DNAJA4: variants seen among roughly 807,000 people sequenced by gnomAD.
The protein encoded by DNAJA4 is DnaJ heat shock protein family (Hsp40) member A4.
Under a neutral mutation model 39.7 loss-of-function variants are expected in DNAJA4, and 32 were observed. The ratio of observed to expected loss-of-function variants is 0.81; its 90% CI spans 0.61 to 1.08. The LOEUF (loss-of-function observed/expected upper bound fraction) is 1.08. DNAJA4 is among the 50% of genes least tolerant of loss of function. The pLI is 0.00. For missense variants in DNAJA4, 439 were observed against 505.1 expected, an observed-to-expected ratio of 0.87 and a Z score of 1.25; for synonymous variants, 184 against 182.4, an observed-to-expected ratio of 1.01 and a Z score of -0.07.
rs2049064272 is a variant in DNAJA4, at chr15:78,264,621, T to C, written c.-143T>C. The stretch of plus-strand genomic sequence containing the variant: ...CGCGGGGCGGGGGGCGGGCGGGAGC[T>C]ACAAGCGGCGGCGGCGGCGGCGACC... On this transcript the variant is annotated 5_prime_UTR_variant, in exon 1 of 7. Transcript: ENST00000394852. 1.0e-6 allele frequency: 1 copy of C among 994,334 alleles called. No homozygotes were observed. Among genetic ancestry groups the C allele is most frequent in the Non-Finnish European group, 1.2e-6 (1 of 823,148 alleles). 61.6% of individuals were successfully genotyped at this position (994,334 alleles called of 1,614,324 possible).
chr15:78,275,338 A>T, intron 4 of DNAJA4, 160 bp from the exon 5 acceptor site: 1 of 615,350 alleles, frequency 1.6e-6, no homozygotes, highest in East Asian at 2.7e-5. Flanking sequence ...CTCTTCTGTC[A>T]TTGGCCATCC....
intron 5 of DNAJA4, chr15:78,278,177 G>C (rs767847326): frequency 4.4e-6 from 2 of 456,042 alleles, no homozygotes; most frequent in South Asian, 3.1e-5. Context: ...TACCTGCCGG[G>C]AGAGCCTAAC....
At position 78,274,503 on chromosome 15, in the gene DNAJA4, T is replaced by C. The variant is rs773389887; in HGVS notation, c.646+79T>C. 4.6e-6 allele frequency: 6 copies of C among 1,291,460 alleles called. No individual in the cohort carries two copies. The African/African-American group carries it at 5.8e-5, about 13-fold the overall frequency. The allele number at this position is 1,291,460 out of a possible 1,614,324, so 80.0% of individuals were successfully genotyped here. A position where few individuals can be genotyped will look rare whatever the true frequency, so the allele number is the denominator to read the frequency against. On this transcript the variant is annotated intron_variant, in intron 4 of 6. Transcript: ENST00000394852. ...CTAATCGTGAGATACACAGACTAGA[T>C]GTCAGGGAAGTGAGCTGTATCACAA...
At chr15:78,264,431 C>A (rs2049056783), upstream of DNAJA4, 1 of 1,340,660 alleles carries the variant, frequency 7.5e-7, no homozygotes, top group Non-Finnish European at 9.5e-7. Flanking sequence ...CGTCGGGGGT[C>A]TGGGCCGCGA....
intron 5 of DNAJA4, among the ~76,000 whole-genome samples, 160 bp downstream of exon 5, chr15:78,275,888 G>A (rs965032777): frequency 2.0e-5 from 3 of 152,206 alleles, no homozygotes; most frequent in Non-Finnish European, 4.4e-5. Context: ...ATCAAGCCAC[G>A]TGTTTAGGGC....
intron 1 of DNAJA4, chr15:78,270,043 G>C (rs1387015068): frequency 6.5e-6 from 1 of 153,708 alleles, no homozygotes; most frequent in Non-Finnish European, 1.4e-5. Flanking sequence ...CTGGCACGTG[G>C]TTAGATGCTC....
At chr15:78,266,289 CAA>C in intron 1 of DNAJA4, 1 of 1,613,744 alleles carries the variant, frequency 6.2e-7, no homozygotes. Flanking sequence ...TCAGCACTCA[CAA>C]GAGTAAGTTC....
intron 5 of DNAJA4, among the ~76,000 whole-genome samples, chr15:78,276,246 C>A (rs1378278047): frequency 1.3e-5 from 2 of 152,180 alleles, no homozygotes; most frequent in Non-Finnish European, 2.9e-5. Context: ...GTTCCTGTAG[C>A]CTCTGTTGTT....
chr15:78,270,795 T>C (rs977605296), intron 2 of DNAJA4, 118 bp downstream of exon 2: 9 of 1,155,546 alleles, frequency 7.8e-6, no homozygotes, highest in South Asian at 1.9e-5. Flanking sequence ...CGGTGGTTCA[T>C]GTCTGTAATT....
intron 5 of DNAJA4, among the ~76,000 whole-genome samples, chr15:78,278,659 CT>C (rs201451635): frequency 6.7e-5 from 10 of 149,000 alleles, no homozygotes; most frequent in Admixed American, 1.3e-4. Context: ...GACTGTATTT[CT>C]TTTTTTTTTG....
At chr15:78,274,725 T>G in intron 4 of DNAJA4, 1 of 416,444 alleles carries the variant, frequency 2.4e-6, no homozygotes, top group Middle Eastern at 7.5e-4. Flanking sequence ...AGTTGCCATC[T>G]CCTGACATTC....
At chr15:78,266,289 C>A (rs900251452) in intron 1 of DNAJA4, 2 of 1,613,744 alleles carry the variant, frequency 1.2e-6, no homozygotes, top group Non-Finnish European at 1.7e-6. Flanking sequence ...TCAGCACTCA[C>A]AAGAGTAAGT....
chr15:78,267,644 A>C (rs1479483336), intron 1 of DNAJA4, among the ~76,000 whole-genome samples: 1 of 152,122 alleles, frequency 6.6e-6, no homozygotes, highest in African/African-American at 2.4e-5. Flanking sequence ...TAGACTTTCA[A>C]GTTCAAAAAT....
At chr15:78,277,717 C>T (rs908436924) in intron 5 of DNAJA4, 1 of 316,956 alleles carries the variant, frequency 3.2e-6, no homozygotes, top group Non-Finnish European at 6.1e-6. Flanking sequence ...TGGGCCCCAC[C>T]AAGAGCCAGC....
intron 4 of DNAJA4, 151 bp downstream of exon 4, chr15:78,274,575 T>G: frequency 1.4e-6 from 1 of 708,352 alleles, no homozygotes; most frequent in Non-Finnish European, 2.4e-6. Flanking sequence ...CAGTCTTCTC[T>G]TCACCCTTCC....
intron 5 of DNAJA4, chr15:78,278,274 A>G (rs1323249785): frequency 2.2e-6 from 1 of 456,106 alleles, no homozygotes; most frequent in Non-Finnish European, 4.4e-6. Context: ...CATGGGGAGT[A>G]GGGCTTGAGA....
chr15:78,265,860 A>G, intron 1 of DNAJA4: 3 of 604,382 alleles, frequency 5.0e-6, no homozygotes. Context: ...CCAATCACCC[A>G]TGTAGCATTT....
At position 78,264,698 on chromosome 15, in the gene DNAJA4, C is replaced by CA. The variant is rs2049068905; in HGVS notation, c.-65dup. The CA allele has an allele frequency of 7.7e-7, 1 of 1,304,458 alleles. No individual in the cohort carries two copies. The highest frequency in any genetic ancestry group is 1.6e-5 in the African/African-American group (1 of 62,132). The allele number at this position is 1,304,458 out of a possible 1,614,324, so 80.8% of individuals were successfully genotyped here. The stretch of plus-strand genomic sequence containing the variant: ...GGGGGCGCGGGCCAGGGGCGCGGGC[C>CA]AGGGTGCCGGCAGGGGCGTCCGGGG... On this transcript the variant is annotated 5_prime_UTR_variant, in exon 1 of 7. Coordinates refer to ENST00000394852, the MANE Select transcript of DNAJA4 (RefSeq NM_001130182.2).
chr15:78,265,456 TAATC>T (rs1167329471), intron 1 of DNAJA4: 1 of 702,156 alleles, frequency 1.4e-6, no homozygotes, highest in East Asian at 2.7e-5. Flanking sequence ...AGATAGTGAA[TAATC>T]CCATTTTCTT....
Sources: allele counts gnomAD v4.1 joint callset (sites outside exome capture counted in the v4.1 genomes callset), GRCh38; gene constraint gnomAD v4.1.1; transcripts MANE v1.5; gene names NCBI Gene and HGNC (gene_info 2026-07-23, HGNC 2026-07-21).